Variants in TOMM70 observed in about 807,000 individuals in gnomAD.
TOMM70 encodes mitochondrial import receptor subunit TOM70.
Under a neutral mutation model 73.6 loss-of-function variants are expected in TOMM70, and 13 were observed. The observed-to-expected ratio is 0.18, with a 90% CI of 0.11 to 0.28. The LOEUF is 0.28. TOMM70 is among the 10% of genes least tolerant of loss of function. The probability of loss-of-function intolerance (pLI) is 1.00; values close to 1 mark genes in which losing one functional copy is unlikely to be tolerated. For missense variants in TOMM70, 609 were observed against 747.5 expected (o/e 0.81, Z 2.16); for synonymous variants, 257 against 271.2 (o/e 0.95, Z 0.51).
At chr3:100,371,494 C>G (rs1706509318) in intron 9 of TOMM70, among the ~76,000 whole-genome samples, 1 of 151,898 alleles carries the variant, frequency 6.6e-6, no homozygotes, top group South Asian at 2.1e-4. Context: ...CTCAAAACTC[C>G]TGGCTCAAGT....
At chr3:100,393,447 AG>A (rs1403265789) in intron 1 of TOMM70, among the ~76,000 whole-genome samples, 3 of 151,548 alleles carry the variant, frequency 2.0e-5, no homozygotes, top group Admixed American at 2.0e-4. Context: ...GACTCAGAGG[AG>A]GGGGGTGGCA....
rs369799669 is a variant in TOMM70 at position 100,378,817 on chromosome 3, A to T, written c.885-905T>A. 2.1e-4 allele frequency among the ~76,000 whole-genome samples: 32 copies of T among 152,162 alleles called. 1 individual carries two copies. The East Asian group carries it at 2.3e-3, about 11-fold the overall frequency. On this transcript the variant is annotated intron_variant, in intron 5 of 11. Transcript: ENST00000284320. ...GTCAGGAGATCGAGACCATCCTGGC[A>T]AACATGGTGAAACCCCATCTCTAAT...
At chr3:100,388,146 A>G (rs566116418) in intron 1 of TOMM70, among the ~76,000 whole-genome samples, 205 of 152,326 alleles carry the variant, frequency 1.3e-3, no homozygotes, top group Non-Finnish European at 2.4e-3. Flanking sequence ...TGAGACATAA[A>G]TTTAATTTCA....
At chr3:100,395,383 A>G (rs1706811472) in intron 1 of TOMM70, among the ~76,000 whole-genome samples, 2 of 151,812 alleles carry the variant, frequency 1.3e-5, no homozygotes, top group African/African-American at 4.8e-5. Context: ...AACAAACAAA[A>G]AAACCCAAAA....
At chr3:100,395,673 C>T (rs1465063483) in intron 1 of TOMM70, among the ~76,000 whole-genome samples, 4 of 148,872 alleles carry the variant, frequency 2.7e-5, no homozygotes, top group African/African-American at 1.0e-4. Flanking sequence ...CATACACACA[C>T]ACATATATAA....
intron 7 of TOMM70, 41 bp from the exon 8 acceptor site, chr3:100,373,686 C>CT: frequency 1.8e-6 from 1 of 551,958 alleles, no homozygotes; most frequent in Non-Finnish European, 2.7e-6. Context: ...TCAACTAGTC[C>CT]AGTTAAGTAT....
chr3:100,374,077 C>T (rs1335507736), intron 7 of TOMM70, among the ~76,000 whole-genome samples: 1 of 152,174 alleles, frequency 6.6e-6, no homozygotes, highest in Admixed American at 6.5e-5. Context: ...GAAATACAGT[C>T]ATGCATATTT....
chr3:100,397,595 A>G (rs1706838731), intron 1 of TOMM70, among the ~76,000 whole-genome samples: 2 of 152,268 alleles, frequency 1.3e-5, no homozygotes. Flanking sequence ...TCAGGTGAAT[A>G]AAAAGTTATT....
Position 100,377,971 on chromosome 3 carries a change from G to A in TOMM70, c.885-59C>T, listed in dbSNP as rs534032446. On this transcript the variant is annotated intron_variant, in intron 5 of 11. Coordinates refer to ENST00000284320, the MANE Select transcript of TOMM70 (RefSeq NM_014820.5). ...CTAAGAAAAAATTAAATGTGGCTGGGTGTGGTGGCTCACGCCTGTAATCCC... is the reference window on the plus strand; with the variant it reads ...CTAAGAAAAAATTAAATGTGGCTGGATGTGGTGGCTCACGCCTGTAATCCC... The A allele has an allele frequency of 1.1e-3, 1,619 of 1,489,870 alleles. 15 individuals carry two copies. The African/African-American group carries it at 0.02, about 18-fold the overall frequency. The allele number at this position is 1,489,870 out of a possible 1,614,324, so 92.3% of individuals were successfully genotyped here. A position where few individuals can be genotyped will look rare whatever the true frequency, so the allele number is the denominator to read the frequency against.
Position 100,377,795 on chromosome 3 carries a change from T to C in TOMM70, c.1002A>G (p.Leu334=), listed in dbSNP as rs771323324. 1 of 1,614,214 alleles carries C rather than the reference T, an allele frequency of 6.2e-7. No homozygotes were observed. Among genetic ancestry groups the C allele is most frequent in the South Asian group, 1.1e-5 (1 of 91,084 alleles). The stretch of plus-strand genomic sequence containing the variant: ...CAATAAGCAGGTAGAAGGTAGCTCG[T>C]AGTAGCAATGCTTCTGCCATGTATT... The part of the protein sequence containing the change: ...EGKYMAEALL[L]RATFYLLIGN... Residue 334 remains leucine (L), a synonymous_variant, in exon 6 of 12, where the codon CTA becomes CTG. Coordinates refer to ENST00000284320, the MANE Select transcript of TOMM70 (RefSeq NM_014820.5).
intron 1 of TOMM70, among the ~76,000 whole-genome samples, chr3:100,395,129 G>A (rs1706807942): frequency 6.6e-6 from 1 of 152,096 alleles, no homozygotes. Flanking sequence ...TAGCACTTTG[G>A]GAGGCCGAGG....
At chr3:100,380,362 C>A (rs1055664232) in intron 5 of TOMM70, among the ~76,000 whole-genome samples, 2 of 151,542 alleles carry the variant, frequency 1.3e-5, no homozygotes, top group Non-Finnish European at 2.9e-5. Context: ...AAAGAGAAAA[C>A]GAAAACACAA....
At chr3:100,395,150 A>G (rs1706808370) in intron 1 of TOMM70, among the ~76,000 whole-genome samples, 1 of 152,060 alleles carries the variant, frequency 6.6e-6, no homozygotes, top group Admixed American at 6.6e-5. Flanking sequence ...CAGGCAGAGC[A>G]TGAGGTCAGG....
chr3:100,389,849 C>G (rs1037222325), intron 1 of TOMM70, among the ~76,000 whole-genome samples: 2 of 152,104 alleles, frequency 1.3e-5, no homozygotes, highest in Non-Finnish European at 2.9e-5. Flanking sequence ...CGAGACCAGC[C>G]TGGCCAACGT....
chr3:100,384,386 T>C, intron 4 of TOMM70, 93 bp downstream of exon 4: 1 of 815,448 alleles, frequency 1.2e-6, no homozygotes. Context: ...TTGTTGCCAT[T>C]ACCACTATGC....
intron 1 of TOMM70, among the ~76,000 whole-genome samples, chr3:100,394,579 T>C (rs912619554): frequency 1.3e-5 from 2 of 152,106 alleles, no homozygotes; most frequent in African/African-American, 2.4e-5. Context: ...TCTCAGCTCA[T>C]TGCAACCTCC....
At chr3:100,372,502 G>A (rs1706521656) in intron 9 of TOMM70, 104 bp downstream of exon 9, 1 of 904,256 alleles carries the variant, frequency 1.1e-6, no homozygotes, top group Non-Finnish European at 1.7e-6. Context: ...AAAGCCACCT[G>A]CTTCCAAAGA....
intron 1 of TOMM70, among the ~76,000 whole-genome samples, chr3:100,394,963 CATA>C (rs762569610): frequency 1.3e-5 from 2 of 152,330 alleles, no homozygotes; most frequent in East Asian, 3.9e-4. Context: ...CCTACTAAAT[CATA>C]ATAACTCTTT....
intron 1 of TOMM70, among the ~76,000 whole-genome samples, chr3:100,390,303 T>C (rs1436016673): frequency 6.6e-6 from 1 of 152,212 alleles, no homozygotes. Flanking sequence ...AAAAGAACTA[T>C]TACTGATAGA....
Sources: allele counts gnomAD v4.1 joint callset (sites outside exome capture counted in the v4.1 genomes callset), GRCh38; gene constraint gnomAD v4.1.1; transcripts MANE v1.5; gene names NCBI Gene and HGNC (gene_info 2026-07-23, HGNC 2026-07-21).